The following CFAP95 variants were observed in gnomAD, a reference collection of about 807,000 sequenced individuals.
The protein encoded by CFAP95 is cilia and flagella associated protein 95.
the CFAP95 span, among the ~76,000 whole-genome samples, chr9:69,840,059 A>G: frequency 6.7e-6 from 1 of 149,868 alleles, no homozygotes. Flanking sequence ...CCTGGGCAAC[A>G]AAAGCAAAAC....
chr9:69,847,588 A>G, the CFAP95 span, among the ~76,000 whole-genome samples: 1 of 152,094 alleles, frequency 6.6e-6, no homozygotes. Flanking sequence ...TGGATATTGT[A>G]TATCTCACTG....
chr9:69,890,076 G>A, the CFAP95 span, among the ~76,000 whole-genome samples: 1 of 151,988 alleles, frequency 6.6e-6, no homozygotes, highest in Non-Finnish European at 1.5e-5. Context: ...AAACCACAAG[G>A]AAAGAAACAT....
At chr9:69,835,688 C>A in the CFAP95 span, among the ~76,000 whole-genome samples, 3 of 152,124 alleles carry the variant, frequency 2.0e-5, no homozygotes, top group Admixed American at 2.0e-4. Flanking sequence ...ATGTGTCAGA[C>A]CAAGATCACA....
chr9:69,841,192 A>ATATATATATATATATATATATATG, the CFAP95 span, among the ~76,000 whole-genome samples: 14 of 124,424 alleles, frequency 1.1e-4, no homozygotes, highest in African/African-American at 4.0e-4. Flanking sequence ...ATATATATAT[A>ATATATATATATATATATATATATG]TATATTTCTG....
At chr9:69,895,369 CTGTGTG>C in the CFAP95 span, among the ~76,000 whole-genome samples, 847 of 107,890 alleles carry the variant, frequency 7.9e-3, 18 homozygotes, top group African/African-American at 0.03. Flanking sequence ...CTCTCTCTCT[CTGTGTG>C]TGTGTGTGTG....
the CFAP95 span, among the ~76,000 whole-genome samples, chr9:69,866,704 C>T: frequency 6.6e-6 from 1 of 152,174 alleles, no homozygotes; most frequent in African/African-American, 2.4e-5. Context: ...CATTCTTTGG[C>T]CCAGTTATGT....
chr9:69,878,119 G>A, the CFAP95 span, among the ~76,000 whole-genome samples: 3 of 152,204 alleles, frequency 2.0e-5, no homozygotes, highest in Admixed American at 2.0e-4. Flanking sequence ...ACGTTTCTGG[G>A]GTGGTGAAAC....
chr9:69,877,088 A>G, the CFAP95 span, among the ~76,000 whole-genome samples: 1 of 152,234 alleles, frequency 6.6e-6, no homozygotes, highest in Non-Finnish European at 1.5e-5. Flanking sequence ...GAAATTTCAT[A>G]TATAATGCAT....
chr9:69,842,212 C>G, the CFAP95 span, among the ~76,000 whole-genome samples: 2 of 152,122 alleles, frequency 1.3e-5, no homozygotes, highest in Non-Finnish European at 1.5e-5. Context: ...TGTGGCAGAG[C>G]ACCAGTCTAC....
At chr9:69,865,593 GC>G in the CFAP95 span, among the ~76,000 whole-genome samples, 1 of 152,148 alleles carries the variant, frequency 6.6e-6, no homozygotes, top group Non-Finnish European at 1.5e-5. Context: ...TCCAGACCAG[GC>G]TATTCAGAGG....
At chr9:69,870,735 T>C in the CFAP95 span, among the ~76,000 whole-genome samples, 1 of 152,176 alleles carries the variant, frequency 6.6e-6, no homozygotes, top group Non-Finnish European at 1.5e-5. Flanking sequence ...AAGTGTTGAT[T>C]GGGCCAAACT....
chr9:69,826,014 G>A, the CFAP95 span, among the ~76,000 whole-genome samples: 4 of 152,028 alleles, frequency 2.6e-5, no homozygotes, highest in African/African-American at 9.7e-5. Context: ...GTCTCCTATA[G>A]GAAGAAACCA....
the CFAP95 span, among the ~76,000 whole-genome samples, chr9:69,897,739 G>A: frequency 6.6e-6 from 1 of 152,262 alleles, no homozygotes; most frequent in East Asian, 1.9e-4. Flanking sequence ...GGCAATGGGG[G>A]TGGAGGTGGA....
chr9:69,885,991 T>C, the CFAP95 span, among the ~76,000 whole-genome samples: 2 of 152,274 alleles, frequency 1.3e-5, no homozygotes, highest in Admixed American at 1.3e-4. Flanking sequence ...ACAGAAAATT[T>C]CAGAAATGAA....
the CFAP95 span, among the ~76,000 whole-genome samples, chr9:69,856,920 GTT>G: frequency 8.2e-4 from 103 of 125,918 alleles, no homozygotes; most frequent in African/African-American, 2.7e-3. Flanking sequence ...CTTTATATGT[GTT>G]TTTTTTTTTT....
the CFAP95 span, among the ~76,000 whole-genome samples, chr9:69,904,393 A>G: frequency 1.2e-4 from 18 of 152,250 alleles, 1 homozygote; most frequent in Non-Finnish European, 2.4e-4. Flanking sequence ...TTGACAAATA[A>G]TATTTTATTG....
the CFAP95 span, among the ~76,000 whole-genome samples, chr9:69,883,844 AATC>A: frequency 6.6e-6 from 1 of 151,692 alleles, no homozygotes; most frequent in African/African-American, 2.4e-5. Flanking sequence ...ATTAAAAAAA[AATC>A]ATTCTTTTGT....
chr9:69,856,539 G>T, the CFAP95 span: 1 of 1,490,360 alleles, frequency 6.7e-7, no homozygotes, highest in Non-Finnish European at 9.3e-7. Flanking sequence ...CTTATATGTG[G>T]CTTCTATGTT....
At chr9:69,834,828 A>G in the CFAP95 span, among the ~76,000 whole-genome samples, 299 of 152,346 alleles carry the variant, frequency 2.0e-3, 4 homozygotes, top group Admixed American at 0.019. Context: ...GACACATAGA[A>G]AAACAAAGTA....
Sources: allele counts gnomAD v4.1 joint callset (sites outside exome capture counted in the v4.1 genomes callset), GRCh38; gene constraint gnomAD v4.1.1; transcripts MANE v1.5; gene names NCBI Gene and HGNC (gene_info 2026-07-23, HGNC 2026-07-21).